Variants in NCOA7 observed in about 807,000 individuals in gnomAD.
The protein encoded by NCOA7 is nuclear receptor coactivator 7.
A neutral mutation model predicts 104.3 loss-of-function variants in NCOA7; 45 were observed. That is an observed-to-expected ratio of 0.43 (90% CI 0.34 to 0.55). The LOEUF (loss-of-function observed/expected upper bound fraction) is 0.55, where lower values mean the gene tolerates loss of function less well. Among genes scored for constraint, NCOA7 ranks in the 20% least tolerant of loss-of-function variants. The pLI, the probability that NCOA7 is intolerant of heterozygous loss-of-function variation, is 0.02. For synonymous variants in NCOA7, 398 were observed against 402.3 expected (o/e 0.99, Z 0.13); for missense variants, 1,041 against 1,119.7 (o/e 0.93, Z 1.00).
intron 10 of NCOA7, among the ~76,000 whole-genome samples, chr6:125,909,127 G>C (rs1447646931): frequency 2.0e-5 from 3 of 152,212 alleles, no homozygotes; most frequent in African/African-American, 7.2e-5. Context: ...AATGTGTCTT[G>C]TGTTGTAACT....
chr6:125,785,108 C>A (rs973188848), intron 1 of NCOA7, among the ~76,000 whole-genome samples: 6 of 152,140 alleles, frequency 3.9e-5, no homozygotes, highest in African/African-American at 1.4e-4. Context: ...GAGGCCGAGG[C>A]AGGTGGATCG....
rs375018890 is a variant in NCOA7 at position 125,889,960 on chromosome 6, A to G, written c.1906A>G (p.Arg636Gly). Residue 636 changes from arginine to glycine, a missense_variant, in exon 9 of 16, where the codon AGA becomes GGA. Physicochemically the swap from Arg to Gly is moderately radical, Grantham distance 125 (BLOSUM62 -2). This residue lies in a region of NCOA7 where 914 missense variants were observed against 942.7 expected (regional missense o/e 0.97). Coordinates refer to ENST00000392477, the MANE Select transcript of NCOA7 (RefSeq NM_181782.5). The part of the protein sequence containing the change: ...KSEVQLWLLK[R>G]IQVPIEDILP... ...TGAAGTTCAGTTGTGGCTGTTAAAG[A>G]GAATTCAGGTACCCATTGAAGGTAA... 3.2e-6 allele frequency: 5 copies of G among 1,544,926 alleles called. No homozygotes were observed. Among genetic ancestry groups the G allele is most frequent in the African/African-American group, 2.8e-5 (2 of 72,286 alleles).
In NCOA7 at chr6:125,889,912, G is replaced by A. The variant is rs1784511393; in HGVS notation, c.1858G>A (p.Gly620Ser). Residue 620 changes from glycine to serine, a missense_variant, in exon 9 of 16, where the codon GGT becomes AGT. Gly to Ser is a moderately conservative substitution (Grantham distance 56). Transcript: ENST00000392477. ...LESTLDNSCQ[G>S]AQMDNKSEVQ... ...ATCTACTCTGGACAACAGCTGTCAAGGTGCACAAATGGATAATAAATCTGA... is the reference window on the plus strand; with the variant it reads ...ATCTACTCTGGACAACAGCTGTCAAAGTGCACAAATGGATAATAAATCTGA... 1.9e-6 allele frequency: 3 copies of A among 1,594,296 alleles called. No individual in the cohort carries two copies. Among genetic ancestry groups the A allele is most frequent in the Middle Eastern group, 1.7e-4 (1 of 5,934 alleles).
At chr6:125,791,856 GC>G (rs1220767990) in intron 1 of NCOA7, among the ~76,000 whole-genome samples, 11 of 152,258 alleles carry the variant, frequency 7.2e-5, no homozygotes, top group African/African-American at 2.6e-4. Flanking sequence ...ATGTATTAAT[GC>G]TTTTTTTCTC....
intron 2 of NCOA7, among the ~76,000 whole-genome samples, chr6:125,825,274 A>G (rs1778572572): frequency 6.6e-6 from 1 of 152,068 alleles, no homozygotes; most frequent in Non-Finnish European, 1.5e-5. Flanking sequence ...TGAAAGTTAC[A>G]GTGAGCTATG....
intron 13 of NCOA7, 139 bp downstream of exon 13, chr6:125,922,973 G>GT (rs1159100261): frequency 4.2e-6 from 3 of 722,732 alleles, no homozygotes; most frequent in African/African-American, 1.8e-5. Context: ...TTTTATCTTT[G>GT]TTTTTTCTCT....
At chr6:125,892,759 T>C (rs1431512294) in intron 10 of NCOA7, among the ~76,000 whole-genome samples, 1 of 152,262 alleles carries the variant, frequency 6.6e-6, no homozygotes, top group South Asian at 2.1e-4. Context: ...ATTACTTGTT[T>C]ACCTTCGGGT....
At chr6:125,897,114 C>T (rs138120155) in intron 10 of NCOA7, among the ~76,000 whole-genome samples, 17 of 152,308 alleles carry the variant, frequency 1.1e-4, no homozygotes, top group Admixed American at 2.6e-4. Context: ...CGTATACATG[C>T]GCACACAGGT....
chr6:125,817,339 G>A (rs1020582971), intron 2 of NCOA7, among the ~76,000 whole-genome samples: 9 of 152,316 alleles, frequency 5.9e-5, no homozygotes, highest in African/African-American at 1.7e-4. Context: ...ATAAAAAAGT[G>A]CAATACTCTT....
chr6:125,882,367 A>G, intron 6 of NCOA7, 59 bp from the exon 7 acceptor site: 1 of 1,562,546 alleles, frequency 6.4e-7, no homozygotes, highest in Non-Finnish European at 8.7e-7. Flanking sequence ...CTTGATTTAT[A>G]CACATAATTT....
At chr6:125,850,906 C>T (rs532648441) in intron 2 of NCOA7, among the ~76,000 whole-genome samples, 1 of 152,228 alleles carries the variant, frequency 6.6e-6, no homozygotes, top group South Asian at 2.1e-4. Context: ...ATTTGAGCCT[C>T]ACGCAGGACT....
At chr6:125,918,221 C>T (rs1473852531) in intron 11 of NCOA7, among the ~76,000 whole-genome samples, 2 of 152,200 alleles carry the variant, frequency 1.3e-5, no homozygotes, top group Admixed American at 1.3e-4. Flanking sequence ...TGTTTCTCTA[C>T]TGTCTCCTCA....
chr6:125,814,743 G>C (rs1397660353), intron 1 of NCOA7, among the ~76,000 whole-genome samples: 2 of 152,184 alleles, frequency 1.3e-5, no homozygotes, highest in African/African-American at 4.8e-5. Context: ...GCCATGCTGA[G>C]GAACAGCTTC....
upstream of NCOA7, among the ~76,000 whole-genome samples, chr6:125,786,482 CTGT>C (rs1774468161): frequency 6.6e-6 from 1 of 152,070 alleles, no homozygotes; most frequent in Non-Finnish European, 1.5e-5. Context: ...TGACTTCATC[CTGT>C]TATTTATACA....
intron 11 of NCOA7, chr6:125,919,402 GCCAGACCTGACGAAGAGC>G: frequency 6.2e-7 from 1 of 1,612,732 alleles, no homozygotes; most frequent in Non-Finnish European, 8.5e-7. Flanking sequence ...TTTCTATTGT[GCCAGACCTGACGAAGAGC>G]CTTTTGTGAA....
chr6:125,918,938 T>A lies in NCOA7; in HGVS notation c.2245-2005T>A, dbSNP rs565006142. Among the ~76,000 whole-genome samples, 4 of 143,072 alleles carry A rather than the reference T, an allele frequency of 2.8e-5. No individual in the cohort carries two copies. The South Asian group carries it at 6.6e-4, about 24-fold the overall frequency. The allele number at this position is 143,072 out of a possible 152,430, so 93.9% of individuals were successfully genotyped here. Reference sequence around the variant, plus strand: ...AATGGAGCTTTAGCCTTAAAGAAGGTGCTGGGGGCGGGGGAGAAAAAAAAA... The same window carrying A: ...AATGGAGCTTTAGCCTTAAAGAAGGAGCTGGGGGCGGGGGAGAAAAAAAAA... On this transcript the variant is annotated intron_variant, in intron 11 of 15. Coordinates refer to ENST00000392477, the MANE Select transcript of NCOA7 (RefSeq NM_181782.5).
intron 1 of NCOA7, chr6:125,802,407 C>T (rs966282908): frequency 7.2e-5 from 11 of 152,208 alleles, no homozygotes; most frequent in South Asian, 6.2e-4. Context: ...GGTTCAAGTT[C>T]GGGTTCTGTT....
In NCOA7 at chr6:125,882,521, A is replaced by T. The variant is rs1462758902; in HGVS notation, c.669A>T (p.Lys223Asn). ...AGCCAGGTGTGGTGAAATTTTTAAA[A>T]ATGAATTGTCGATACTTCACCGATG... is the stretch of plus-strand genomic sequence containing the variant. ...EDEPGVVKFL[K>N]MNCRYFTDGK... The change falls in exon 7 of 16, where the codon AAA (lysine) becomes AAT (asparagine). Residue 223 changes from lysine to asparagine, a missense_variant. Transcript: ENST00000392477. 6.2e-7 allele frequency: 1 copy of T among 1,613,284 alleles called. No homozygotes were observed. Among genetic ancestry groups the T allele is most frequent in the Non-Finnish European group, 8.5e-7 (1 of 1,179,650 alleles).
rs145633992 is a variant in NCOA7 at position 125,838,604 on chromosome 6, G to T, written c.51-16416G>T. ...TGCTTTTATTTCCTTCACTAGAGGT[G>T]TTCTCTGGTTCTCCAACACCAGTTG... is the stretch of plus-strand genomic sequence containing the variant. On this transcript the variant is annotated intron_variant, in intron 2 of 15. Transcript: ENST00000392477. 4.4e-4 allele frequency among the ~76,000 whole-genome samples: 67 copies of T among 152,230 alleles called. 1 individual carries two copies. The East Asian group carries it at 0.012, about 27-fold the overall frequency.
Sources: allele counts gnomAD v4.1 joint callset (sites outside exome capture counted in the v4.1 genomes callset), GRCh38; gene constraint gnomAD v4.1.1; regional missense constraint gnomAD v4.1.1; transcripts MANE v1.5; gene names NCBI Gene and HGNC (gene_info 2026-07-23, HGNC 2026-07-21).